PCLO: variants seen among roughly 807,000 people sequenced by gnomAD.
The protein encoded by PCLO is protein piccolo.
In PCLO, 82 loss-of-function variants were observed where a neutral mutation model predicts 427.5. The observed-to-expected ratio is 0.19, with a 90% CI of 0.16 to 0.23. PCLO has a LOEUF of 0.23. PCLO is among the 10% of genes least tolerant of loss of function. The pLI is 1.00. For missense variants in PCLO, 6,239 were observed against 6,115.9 expected (o/e 1.02, Z -0.67); for synonymous variants, 2,357 against 2,155.4 (o/e 1.09, Z -2.59).
At chr7:83,060,794 T>G (rs1195232661) in intron 3 of PCLO, among the ~76,000 whole-genome samples, 4 of 152,184 alleles carry the variant, frequency 2.6e-5, no homozygotes, top group Non-Finnish European at 5.9e-5. Flanking sequence ...TAGCCACAGT[T>G]GCTGAATCCA....
intron 3 of PCLO, among the ~76,000 whole-genome samples, chr7:83,125,274 G>A (rs1791406693): frequency 6.6e-6 from 1 of 151,852 alleles, no homozygotes. Flanking sequence ...GAAGTGGGGA[G>A]CCCCTCCGCC....
intron 10 of PCLO, among the ~76,000 whole-genome samples, chr7:82,871,644 G>T (rs2115992195): frequency 6.6e-6 from 1 of 151,982 alleles, no homozygotes; most frequent in African/African-American, 2.4e-5. Context: ...CATTTGAGGT[G>T]ATGGATATCC....
chr7:82,824,167 T>G (rs1791869525), intron 19 of PCLO, 69 bp downstream of exon 19: 2 of 1,030,542 alleles, frequency 1.9e-6, no homozygotes, highest in Non-Finnish European at 2.8e-6. Context: ...GTACAAACAT[T>G]CACACTAAGA....
intron 3 of PCLO, among the ~76,000 whole-genome samples, chr7:83,038,061 ATATTTATATATTTATATATATATC>A (rs1788865933): frequency 2.2e-5 from 1 of 44,950 alleles, no homozygotes; most frequent in African/African-American, 9.5e-5. Context: ...CTTTATATAT[ATATTTATATATTTATATATATATC>A]TTTATATATA....
At chr7:83,024,247 C>T (rs532452207) in intron 3 of PCLO, among the ~76,000 whole-genome samples, 13 of 152,250 alleles carry the variant, frequency 8.5e-5, no homozygotes, top group South Asian at 4.1e-4. Context: ...AGTGGGTGCG[C>T]GCACCATGCG....
At chr7:83,060,554 T>C (rs768481900) in intron 3 of PCLO, among the ~76,000 whole-genome samples, 9 of 152,150 alleles carry the variant, frequency 5.9e-5, no homozygotes, top group Non-Finnish European at 1.2e-4. Context: ...ACATTATCTC[T>C]TCTCTGATGT....
At chr7:83,147,296 T>C (rs1334844973) in intron 2 of PCLO, among the ~76,000 whole-genome samples, 1 of 152,144 alleles carries the variant, frequency 6.6e-6, no homozygotes, top group Non-Finnish European at 1.5e-5. Context: ...TATATTTCTT[T>C]AATTTAATTA....
intron 3 of PCLO, among the ~76,000 whole-genome samples, chr7:83,043,920 T>TTTC (rs1327168058): frequency 2.9e-5 from 3 of 105,170 alleles, no homozygotes; most frequent in Non-Finnish European, 6.0e-5. Flanking sequence ...TTCTTTTTTT[T>TTTC]TTTTTTTTTT....
chr7:82,861,810 T>A (rs911578144), intron 10 of PCLO, among the ~76,000 whole-genome samples: 1 of 151,942 alleles, frequency 6.6e-6, no homozygotes, highest in African/African-American at 2.4e-5. Context: ...AATCTAGAAA[T>A]AACCAGAGGA....
chr7:82,966,842 C>T (rs1795786190), intron 3 of PCLO, among the ~76,000 whole-genome samples: 1 of 152,122 alleles, frequency 6.6e-6, no homozygotes, highest in South Asian at 2.1e-4. Flanking sequence ...CTGGCTTCTT[C>T]AAAATTAGTA....
intron 8 of PCLO, among the ~76,000 whole-genome samples, chr7:82,903,757 A>T (rs560983158): frequency 8.5e-4 from 129 of 152,086 alleles, no homozygotes; most frequent in African/African-American, 3.1e-3. Context: ...TAAAAATTTC[A>T]TATTACCTAT....
chr7:82,994,600 T>C (rs1433434445), intron 3 of PCLO, among the ~76,000 whole-genome samples: 1 of 131,312 alleles, frequency 7.6e-6, no homozygotes, highest in Non-Finnish European at 1.6e-5. Flanking sequence ...TATTTTTATT[T>C]TGGGGGTTCA....
chr7:82,768,724 C>CT (rs1790585085), intron 22 of PCLO, among the ~76,000 whole-genome samples: 1 of 152,006 alleles, frequency 6.6e-6, no homozygotes, highest in Non-Finnish European at 1.5e-5. Context: ...TCTTAAATCA[C>CT]TTTCTGGTGC....
chr7:82,963,894 G>T lies in PCLO; in HGVS notation c.4017+1877C>A, dbSNP rs548152463. The stretch of plus-strand genomic sequence containing the variant: ...CACATATTGAGGTTGTATAACGAAA[G>T]AAAAAGTATAATAAAAAGAAAGTGA... On this transcript the variant is annotated intron_variant, in intron 4 of 24. Transcript: ENST00000333891. 7.9e-5 allele frequency among the ~76,000 whole-genome samples: 12 copies of T among 151,616 alleles called. No individual in the cohort carries two copies. In the South Asian group the frequency reaches 2.1e-3, roughly 26 times the overall value.
At chr7:82,900,955 C>G (rs911666076) in intron 9 of PCLO, among the ~76,000 whole-genome samples, 11 of 151,716 alleles carry the variant, frequency 7.3e-5, no homozygotes, top group Non-Finnish European at 1.5e-4. Context: ...AAAAAAAACT[C>G]CAGCATAAAT....
chr7:82,903,404 C>T (rs117587990), intron 8 of PCLO, among the ~76,000 whole-genome samples: 1 of 152,016 alleles, frequency 6.6e-6, no homozygotes, highest in Non-Finnish European at 1.5e-5. Context: ...CTAGACATTC[C>T]TTAGGGTAGA....
intron 3 of PCLO, among the ~76,000 whole-genome samples, chr7:83,054,960 C>T (rs1176714917): frequency 6.6e-6 from 1 of 152,084 alleles, no homozygotes; most frequent in East Asian, 1.9e-4. Flanking sequence ...TGATTTTAAA[C>T]ATCAGGTATC....
intron 22 of PCLO, among the ~76,000 whole-genome samples, chr7:82,792,185 G>T (rs907202728): frequency 2.6e-5 from 4 of 152,078 alleles, no homozygotes; most frequent in Non-Finnish European, 5.9e-5. Flanking sequence ...AGTTTTAAGA[G>T]AATGGATATT....
intron 22 of PCLO, among the ~76,000 whole-genome samples, chr7:82,765,113 T>C (rs1790507116): frequency 6.6e-6 from 1 of 151,826 alleles, no homozygotes; most frequent in African/African-American, 2.4e-5. Context: ...TAACCAACTT[T>C]TGGGTGAATG....
Sources: gnomAD v4.1 joint callset for allele counts (sites outside exome capture counted in the v4.1 genomes callset) on GRCh38, gnomAD v4.1.1 for gene constraint, MANE v1.5 for transcripts, NCBI Gene and HGNC (gene_info 2026-07-23, HGNC 2026-07-21) for gene names.